Variants in TEX11 observed in about 807,000 individuals in gnomAD.
TEX11 encodes the protein testis expressed 11, also known as testis-expressed protein 11.
In TEX11, 7 loss-of-function variants were observed where a neutral mutation model predicts 84.4. That is an observed-to-expected ratio of 0.08 (90% CI 0.05 to 0.16). The LOEUF (loss-of-function observed/expected upper bound fraction) is 0.16, where lower values mean the gene tolerates loss of function less well. Ranked by LOEUF, TEX11 falls within the 10% of genes least tolerant of loss-of-function variation. TEX11 has a pLI of 1.00. For missense variants in TEX11, 551 were observed against 660.5 expected (o/e 0.83, Z 1.82); for synonymous variants, 264 against 222.8 (o/e 1.18, Z -1.64).
chrX:70,674,196 C>T (rs1219673435), intron 15 of TEX11, among the ~76,000 whole-genome samples: 2 of 112,215 alleles, frequency 1.8e-5, no homozygotes, highest in African/African-American at 6.5e-5. Context: ...ACGATAGCTT[C>T]CAGCTCCATC....
intron 13 of TEX11, among the ~76,000 whole-genome samples, chrX:70,706,108 C>G (rs1469171173): frequency 9.0e-6 from 1 of 111,393 alleles, no homozygotes; most frequent in Non-Finnish European, 1.9e-5. Flanking sequence ...CACATATACA[C>G]CATGGAATAC....
chrX:70,536,668 T>C (rs2087962713), intron 28 of TEX11, among the ~76,000 whole-genome samples: 1 of 112,461 alleles, frequency 8.9e-6, no homozygotes, highest in African/African-American at 3.2e-5. Flanking sequence ...AGTCCTGTTC[T>C]ATTAATCTCT....
downstream of TEX11, among the ~76,000 whole-genome samples, chrX:70,526,048 C>T (rs2087819563): frequency 9.0e-6 from 1 of 111,715 alleles, no homozygotes; most frequent in South Asian, 3.8e-4. Context: ...ATAAGTTGGC[C>T]AGAGTGTTCA....
intron 17 of TEX11, among the ~76,000 whole-genome samples, chrX:70,643,220 G>A (rs1268244424): frequency 9.6e-6 from 1 of 104,526 alleles, no homozygotes; most frequent in Non-Finnish European, 2.0e-5. Flanking sequence ...CAAGGGATAT[G>A]AAGGACCTCT....
chrX:70,700,724 CAAGCTAGGCCGA>C (rs1230374594), intron 13 of TEX11, among the ~76,000 whole-genome samples: 1 of 112,207 alleles, frequency 8.9e-6, no homozygotes, highest in Non-Finnish European at 1.9e-5. Flanking sequence ...TGTTGAAAGC[CAAGCTAGGCCGA>C]AAGCTAGGCC....
the TEX11 span, among the ~76,000 whole-genome samples, chrX:70,512,372 C>A: frequency 2.7e-4 from 29 of 107,818 alleles, 1 homozygote; most frequent in Non-Finnish European, 1.2e-4. Context: ...GTGCACACCA[C>A]CACACCCGGC....
chrX:70,787,268 C>A (rs2091085462), intron 9 of TEX11, among the ~76,000 whole-genome samples: 1 of 112,376 alleles, frequency 8.9e-6, no homozygotes, highest in Non-Finnish European at 1.9e-5. Flanking sequence ...ACATTATACT[C>A]AACAGTAAAA....
chrX:70,807,418 T>C (rs1202795302), intron 8 of TEX11, among the ~76,000 whole-genome samples: 4 of 111,968 alleles, frequency 3.6e-5, no homozygotes, highest in African/African-American at 1.3e-4. Context: ...TAGGAACAAG[T>C]ATATGAATGT....
intron 5 of TEX11, among the ~76,000 whole-genome samples, chrX:70,857,857 A>G (rs149372243): frequency 0.066 from 7,405 of 111,634 alleles, 273 homozygotes; most frequent in Non-Finnish European, 0.11. Flanking sequence ...TATATATATA[A>G]CTGAATACTA....
intron 16 of TEX11, among the ~76,000 whole-genome samples, chrX:70,661,874 C>T (rs1242363102): frequency 9.0e-6 from 1 of 111,587 alleles, no homozygotes; most frequent in Non-Finnish European, 1.9e-5. Flanking sequence ...CTGTACATTA[C>T]CATCATCAAA....
At chrX:70,873,383 G>A (rs1019664857) in intron 3 of TEX11, 76 bp from the exon 4 acceptor site, 13 of 668,243 alleles carry the variant, frequency 1.9e-5, no homozygotes, top group Non-Finnish European at 2.9e-5. Flanking sequence ...CTTGAATGTT[G>A]TATGCTTATG....
the TEX11 span, among the ~76,000 whole-genome samples, chrX:70,517,335 C>T: frequency 3.6e-5 from 4 of 111,874 alleles, no homozygotes; most frequent in Admixed American, 9.5e-5. Flanking sequence ...GCATGAAGGG[C>T]TGTTGAATTT....
chrX:70,550,196 A>C (rs2088194565), intron 28 of TEX11, among the ~76,000 whole-genome samples: 1 of 112,846 alleles, frequency 8.9e-6, no homozygotes. Context: ...CATATGCAGA[A>C]GGAGGAAAGT....
intron 25 of TEX11, among the ~76,000 whole-genome samples, chrX:70,587,825 C>G (rs1333274007): frequency 8.9e-6 from 1 of 112,385 alleles, no homozygotes; most frequent in Non-Finnish European, 1.9e-5. Flanking sequence ...TGAAAGCAAC[C>G]AAGAGGGAGG....
chrX:70,653,121 G>T (rs1283723842), intron 16 of TEX11, among the ~76,000 whole-genome samples: 1 of 111,279 alleles, frequency 9.0e-6, no homozygotes, highest in Non-Finnish European at 1.9e-5. Flanking sequence ...AGAAATTTTA[G>T]GTGAACTTTG....
At chrX:70,905,599 G>A (rs1323724833) in intron 2 of TEX11, among the ~76,000 whole-genome samples, 1 of 111,287 alleles carries the variant, frequency 9.0e-6, no homozygotes, top group African/African-American at 3.3e-5. Context: ...GAAACACAGT[G>A]TTCGTTGTAG....
chrX:70,750,703 T>C (rs1216840274), intron 9 of TEX11, among the ~76,000 whole-genome samples: 23 of 95,514 alleles, frequency 2.4e-4, no homozygotes, highest in Non-Finnish European at 4.0e-4. Flanking sequence ...TTCTCACTCA[T>C]AGGTGGGAAT....
At chrX:70,860,595 T>G (rs977787083) in intron 5 of TEX11, among the ~76,000 whole-genome samples, 1 of 111,595 alleles carries the variant, frequency 9.0e-6, no homozygotes, top group Non-Finnish European at 1.9e-5. Context: ...AAGTTAGAGA[T>G]GAGAAAAGTA....
In TEX11 at chrX:70,629,637, T is replaced by C; in HGVS notation, c.1582A>G (p.Ser528Gly). 26 of 1,209,627 alleles carry C rather than the reference T, an allele frequency of 2.1e-5. No homozygotes were observed. Among genetic ancestry groups the C allele is most frequent in the Non-Finnish European group, 2.8e-5 (25 of 893,986 alleles). Reference protein sequence around the residue: ...AERGSPTMLLSLAAQFALENG... With the variant: ...AERGSPTMLLGLAAQFALENG... ...TCTAGAGCAAACTGGGCAGCTAAACTTAGAAGCATGGTAGGTGAACCTCTC... is the reference window on the plus strand; with the variant it reads ...TCTAGAGCAAACTGGGCAGCTAAACCTAGAAGCATGGTAGGTGAACCTCTC... Residue 528 changes from serine (S) to glycine (G), a missense_variant, in exon 18 of 30, where the codon AGT becomes GGT. By Grantham distance (56) the Ser-to-Gly change is moderately conservative. Coordinates refer to ENST00000374333, the MANE Select transcript of TEX11 (RefSeq NM_031276.3).
Sources: allele counts gnomAD v4.1 joint callset (sites outside exome capture counted in the v4.1 genomes callset), GRCh38; gene constraint gnomAD v4.1.1; transcripts MANE v1.5; gene names NCBI Gene and HGNC (gene_info 2026-07-23, HGNC 2026-07-21).